Variants in USP40 observed in about 807,000 individuals in gnomAD.
USP40 encodes the protein ubiquitin specific peptidase 40, also known as ubiquitin carboxyl-terminal hydrolase 40.
Under a neutral mutation model 166.2 loss-of-function variants are expected in USP40, and 143 were observed. That is an observed-to-expected ratio of 0.86 (90% CI 0.75 to 0.99). The LOEUF is 0.99. Among genes scored for constraint, USP40 ranks in the 50% least tolerant of loss-of-function variants. The pLI, the probability that USP40 is intolerant of heterozygous loss-of-function variation, is 0.00. For synonymous variants in USP40, 498 were observed against 524.0 expected, an observed-to-expected ratio of 0.95 and a Z score of 0.68; for missense variants, 1,444 against 1,479.7, an observed-to-expected ratio of 0.98 and a Z score of 0.40.
chr2:233,480,615 C>T lies in USP40; in HGVS notation c.3599+588G>A, dbSNP rs1025126383. ...AAGTGCAGAGCCAGACAACGGCAGG[C>T]GGCGCCAGAGCTGGGAGGAGGGAGA... On this transcript the variant is annotated intron_variant, in intron 31 of 31. Transcript: ENST00000678225. This position sits in a 1 kb window ranked among gnomAD's most constrained non-coding sequence, Gnocchi z 4.5. Among the ~76,000 whole-genome samples the T allele has an allele frequency of 6.6e-6, 1 of 152,196 alleles. No homozygotes were observed. The highest frequency in any genetic ancestry group is 1.9e-4 in the East Asian group (1 of 5,200).
At chr2:233,517,966 GAGCTA>G (rs2067355496) in intron 18 of USP40, among the ~76,000 whole-genome samples, 1 of 150,804 alleles carries the variant, frequency 6.6e-6, no homozygotes. Context: ...TGATACGTGG[GAGCTA>G]AGCTATGAGG....
At chr2:233,515,758 T>C (rs148909338) in intron 18 of USP40, among the ~76,000 whole-genome samples, 36 of 152,324 alleles carry the variant, frequency 2.4e-4, no homozygotes, top group African/African-American at 8.7e-4. Flanking sequence ...CAAAAACCTT[T>C]CCTTATGATA....
intron 14 of USP40, 76 bp from the exon 15 acceptor site, chr2:233,524,638 A>G (rs957546402): frequency 1.6e-5 from 19 of 1,189,496 alleles, no homozygotes; most frequent in African/African-American, 1.4e-4. Flanking sequence ...GCTGAGACAA[A>G]TATTTGTTTG....
chr2:233,512,476 G>C (rs554119484), intron 19 of USP40, 93 bp downstream of exon 19: 11 of 746,704 alleles, frequency 1.5e-5, no homozygotes, highest in Non-Finnish European at 2.2e-5. Context: ...TTTCCAAAAG[G>C]TAATTTTTAA....
chr2:233,488,447 G>A, intron 27 of USP40, 143 bp from the exon 28 acceptor site: 2 of 711,834 alleles, frequency 2.8e-6, no homozygotes, highest in Non-Finnish European at 4.7e-6. Context: ...TTTGGAAAAG[G>A]GGAAAAAATG....
At chr2:233,529,791 CTTTT>C (rs1451072535) in intron 11 of USP40, among the ~76,000 whole-genome samples, 2 of 132,608 alleles carry the variant, frequency 1.5e-5, no homozygotes, top group African/African-American at 2.9e-5. Flanking sequence ...AGATTTTCAT[CTTTT>C]TTTTTTCTTT....
At chr2:233,505,304 TA>T (rs1188337725) in intron 21 of USP40, among the ~76,000 whole-genome samples, 1 of 151,664 alleles carries the variant, frequency 6.6e-6, no homozygotes, top group Non-Finnish European at 1.5e-5. Context: ...AAGGACAAAC[TA>T]AACCCAAAAG....
At chr2:233,561,270 A>C (rs750612105) in intron 3 of USP40, 27 of 1,458,124 alleles carry the variant, frequency 1.9e-5, no homozygotes, top group Non-Finnish European at 2.4e-5. Context: ...GTCAATCCTA[A>C]GCCAAAAGAA....
intron 30 of USP40, among the ~76,000 whole-genome samples, chr2:233,484,096 C>T (rs537652874): frequency 3.3e-5 from 5 of 152,228 alleles, no homozygotes; most frequent in South Asian, 4.2e-4. Context: ...TTTTTCTTCT[C>T]GCAGTGAGCC....
chr2:233,489,647 T>A (rs1045016952), intron 26 of USP40, 164 bp from the exon 27 acceptor site: 7 of 633,026 alleles, frequency 1.1e-5, no homozygotes, highest in Non-Finnish European at 1.9e-5. Flanking sequence ...TCTCTCTCTC[T>A]TAAATAACAC....
At chr2:233,540,215 T>C (rs1174482377) in intron 10 of USP40, among the ~76,000 whole-genome samples, 1 of 151,724 alleles carries the variant, frequency 6.6e-6, no homozygotes, top group African/African-American at 2.4e-5. Flanking sequence ...TAAAAATTAT[T>C]AATATCAGAA....
intron 31 of USP40, 57 bp downstream of exon 31, chr2:233,481,146 A>T (rs1276778944): frequency 6.8e-7 from 1 of 1,466,734 alleles, no homozygotes; most frequent in Non-Finnish European, 9.3e-7. Flanking sequence ...AGCAGGAATA[A>T]GAGAGAGTCA....
chr2:233,495,283 A>G (rs974283837), intron 24 of USP40, among the ~76,000 whole-genome samples: 24 of 151,962 alleles, frequency 1.6e-4, no homozygotes, highest in African/African-American at 4.8e-4. Flanking sequence ...GTGGATATAT[A>G]TGCTATGTAT....
At chr2:233,525,644 C>T (rs1344202327) in intron 13 of USP40, 82 bp from the exon 14 acceptor site, 21 of 1,008,808 alleles carry the variant, frequency 2.1e-5, no homozygotes, top group Non-Finnish European at 3.1e-5. Context: ...TGCCAACTCA[C>T]ATATGAAGAT....
Position 233,489,376 on chromosome 2 carries a change from C to A in USP40, c.3120G>T (p.Arg1040=). The change falls in exon 27 of 32, where the codon CGG becomes CGT. Residue 1040 remains arginine (R), a synonymous_variant. Coordinates refer to ENST00000678225, the MANE Select transcript of USP40 (RefSeq NM_001365479.2). The part of the protein sequence containing the change: ...KRPGRLLRTD[R]QPLREYKLGR... ...AGCAAGGAACCTACCTGAGTGGCTGCCGGTCAGTTCGTAAAAGCCTGCCTG... is the reference window on the plus strand; with the variant it reads ...AGCAAGGAACCTACCTGAGTGGCTGACGGTCAGTTCGTAAAAGCCTGCCTG... 1 of 1,590,622 alleles carries A rather than the reference C, an allele frequency of 6.3e-7. No individual in the cohort carries two copies. Among genetic ancestry groups the A allele is most frequent in the Non-Finnish European group, 8.6e-7 (1 of 1,168,748 alleles).
chr2:233,516,820 G>A (rs2067232715), intron 18 of USP40, among the ~76,000 whole-genome samples: 2 of 149,922 alleles, frequency 1.3e-5, no homozygotes, highest in Non-Finnish European at 3.0e-5. Flanking sequence ...TTGCTGCCCT[G>A]TACTCCAGCC....
At chr2:233,490,738 C>G (rs1179966460) in intron 26 of USP40, among the ~76,000 whole-genome samples, 2 of 152,124 alleles carry the variant, frequency 1.3e-5, no homozygotes, top group African/African-American at 4.8e-5. Flanking sequence ...GTTTAGCATC[C>G]TAACATAAAA....
At chr2:233,551,348 A>G (rs952835276) in intron 7 of USP40, 28 bp downstream of exon 7, 4 of 1,567,914 alleles carry the variant, frequency 2.6e-6, no homozygotes, top group Non-Finnish European at 3.4e-6. Flanking sequence ...GGGGAAAAGA[A>G]AGAATTTAAA....
intron 18 of USP40, among the ~76,000 whole-genome samples, chr2:233,513,538 T>C (rs2066974848): frequency 1.3e-5 from 2 of 152,202 alleles, no homozygotes; most frequent in South Asian, 4.1e-4. Flanking sequence ...CAGTCAAGTG[T>C]GTACTTTATT....
Sources: gnomAD v4.1 joint callset for allele counts (sites outside exome capture counted in the v4.1 genomes callset) on GRCh38, gnomAD v4.1.1 for gene constraint, Gnocchi (gnomAD v3.1) non-coding constraint, MANE v1.5 for transcripts, NCBI Gene and HGNC (gene_info 2026-07-23, HGNC 2026-07-21) for gene names.